Variants in CDH6 observed in about 807,000 individuals in gnomAD.
CDH6 encodes the protein cadherin-6.
A neutral mutation model predicts 78.0 loss-of-function variants in CDH6; 31 were observed. That is an observed-to-expected ratio of 0.40 (90% confidence interval 0.30 to 0.54). The LOEUF is 0.54. Ranked by LOEUF, CDH6 falls within the 20% of genes least tolerant of loss-of-function variation. The pLI is 0.56. For missense variants in CDH6, 724 were observed against 975.9 expected, an observed-to-expected ratio of 0.74 and a Z score of 3.44; for synonymous variants, 376 against 368.8, an observed-to-expected ratio of 1.02 and a Z score of -0.23.
intron 3 of CDH6, 129 bp from the exon 4 acceptor site, chr5:31,297,160 C>G (rs1737631339): frequency 1.3e-6 from 1 of 755,452 alleles, no homozygotes; most frequent in Non-Finnish European, 2.3e-6. Flanking sequence ...CACCCAGCAT[C>G]CTACCAAAGT....
At chr5:31,219,814 T>C (rs1057300943) in intron 1 of CDH6, among the ~76,000 whole-genome samples, 2 of 152,194 alleles carry the variant, frequency 1.3e-5, no homozygotes, top group Non-Finnish European at 1.5e-5. Flanking sequence ...GTTAAAATGT[T>C]AAAAATTCAA....
intron 2 of CDH6, among the ~76,000 whole-genome samples, chr5:31,287,665 GATTGTA>G (rs1161411893): frequency 6.6e-6 from 1 of 152,198 alleles, no homozygotes; most frequent in East Asian, 1.9e-4. Flanking sequence ...TAAGTACTAT[GATTGTA>G]CTAGTTAAGG....
At position 31,219,265 on chromosome 5, in the gene CDH6, C is replaced by T. The variant is rs74649722; in HGVS notation, c.-129+25379C>T. Among the ~76,000 whole-genome samples, 987 of 152,250 alleles carry T rather than the reference C, an allele frequency of 6.5e-3. 9 individuals carry two copies. Among genetic ancestry groups the T allele is most frequent in the Middle Eastern group, 0.01 (3 of 294 alleles). On this transcript the variant is annotated intron_variant, in intron 1 of 11. Coordinates refer to ENST00000265071, the MANE Select transcript of CDH6 (RefSeq NM_004932.4). ...CAGATTTTTTTGACTCACCAAGCCT[C>T]CATCCACAATTGTGCAAGCTAGTTC...
At chr5:31,271,331 C>G (rs2149935565) in intron 2 of CDH6, among the ~76,000 whole-genome samples, 1 of 152,142 alleles carries the variant, frequency 6.6e-6, no homozygotes, top group East Asian at 1.9e-4. Flanking sequence ...GTGGGGTTCA[C>G]AACAGCCAAT....
intron 2 of CDH6, among the ~76,000 whole-genome samples, chr5:31,281,631 C>T (rs1742866591): frequency 6.6e-6 from 1 of 152,172 alleles, no homozygotes; most frequent in African/African-American, 2.4e-5. Context: ...GGGGAAATAA[C>T]TTTATGCAGT....
intron 2 of CDH6, among the ~76,000 whole-genome samples, chr5:31,281,327 G>A (rs1020667371): frequency 1.3e-5 from 2 of 151,502 alleles, no homozygotes; most frequent in African/African-American, 2.4e-5. Context: ...GAAAGAGAAA[G>A]GGGGCTGGGG....
At chr5:31,201,083 TC>T (rs1196755699) in intron 1 of CDH6, among the ~76,000 whole-genome samples, 1 of 152,174 alleles carries the variant, frequency 6.6e-6, no homozygotes, top group Non-Finnish European at 1.5e-5. Flanking sequence ...TTGCTTTTTA[TC>T]ATCACCATTT....
At chr5:31,254,999 C>G (rs1241554791) in intron 1 of CDH6, among the ~76,000 whole-genome samples, 1 of 152,114 alleles carries the variant, frequency 6.6e-6, no homozygotes, top group African/African-American at 2.4e-5. Context: ...TCTTTCTACA[C>G]AAATGCTCTT....
At chr5:31,319,940 T>A (rs1196540171) in intron 11 of CDH6, among the ~76,000 whole-genome samples, 1 of 152,222 alleles carries the variant, frequency 6.6e-6, no homozygotes, top group Non-Finnish European at 1.5e-5. Flanking sequence ...GAAAATAGGC[T>A]TAGAACGGTC....
chr5:31,197,247 T>C (rs1401551879), intron 1 of CDH6, among the ~76,000 whole-genome samples: 1 of 152,210 alleles, frequency 6.6e-6, no homozygotes, highest in African/African-American at 2.4e-5. Context: ...CAGCATAATT[T>C]CTGTAGGGTG....
At chr5:31,293,640 G>C (rs1254638219) in intron 2 of CDH6, among the ~76,000 whole-genome samples, 2 of 152,110 alleles carry the variant, frequency 1.3e-5, no homozygotes, top group Non-Finnish European at 1.5e-5. Flanking sequence ...CGTGAAAAGA[G>C]TCTCATTCCA....
At chr5:31,216,437 C>T (rs1438437578) in intron 1 of CDH6, among the ~76,000 whole-genome samples, 1 of 151,836 alleles carries the variant, frequency 6.6e-6, no homozygotes, top group East Asian at 1.9e-4. Context: ...TACTGTATTA[C>T]ATATTATTTT....
chr5:31,212,631 G>C (rs1309384162), intron 1 of CDH6, among the ~76,000 whole-genome samples: 1 of 152,154 alleles, frequency 6.6e-6, no homozygotes, highest in African/African-American at 2.4e-5. Flanking sequence ...CTGTGAAGAA[G>C]TTTGTCATCT....
In CDH6 at chr5:31,322,821, CAGT is replaced by C. The variant is rs1191151344; in HGVS notation, c.1887_1889del (p.Val631del). ...CTGTTTTGTTTTCTGCTTCCAGTGA[CAGT>C]GGTGCTGTTTGCAGCTCTGAGGCGG... On this transcript the variant is annotated inframe_deletion, in exon 12 of 12. Coordinates refer to ENST00000265071, the MANE Select transcript of CDH6 (RefSeq NM_004932.4). 4.4e-6 allele frequency: 7 copies of C among 1,609,168 alleles called. No homozygotes were observed. The highest frequency in any genetic ancestry group is 2.2e-5 in the South Asian group (2 of 90,818).
intron 11 of CDH6, chr5:31,318,974 C>A: frequency 4.6e-6 from 1 of 216,228 alleles, no homozygotes; most frequent in Non-Finnish European, 9.3e-6. Context: ...TTCTCTTTGT[C>A]AACTAAGACT....
intron 1 of CDH6, among the ~76,000 whole-genome samples, chr5:31,222,464 GT>G (rs1028308306): frequency 6.6e-6 from 1 of 152,140 alleles, no homozygotes; most frequent in South Asian, 2.1e-4. Flanking sequence ...GCTACAGAAA[GT>G]TTTTTTAATT....
chr5:31,194,987 A>T (rs760544063), intron 1 of CDH6, among the ~76,000 whole-genome samples: 6 of 152,044 alleles, frequency 3.9e-5, no homozygotes, highest in Non-Finnish European at 7.4e-5. Flanking sequence ...GTCAGTGCAA[A>T]GGGCTGGCCA....
intron 1 of CDH6, among the ~76,000 whole-genome samples, chr5:31,223,289 A>G (rs1741053084): frequency 6.6e-6 from 1 of 152,172 alleles, no homozygotes; most frequent in South Asian, 2.1e-4. Context: ...ATGCATTTTC[A>G]TCTCTTTCTT....
chr5:31,312,375 A>C (rs1738182081), intron 7 of CDH6, among the ~76,000 whole-genome samples: 1 of 152,202 alleles, frequency 6.6e-6, no homozygotes, highest in South Asian at 2.1e-4. Context: ...CTTTATTAAC[A>C]ATGATTTAGA....
Sources: gnomAD v4.1 joint callset for allele counts (sites outside exome capture counted in the v4.1 genomes callset) on GRCh38, gnomAD v4.1.1 for gene constraint, MANE v1.5 for transcripts, NCBI Gene and HGNC (gene_info 2026-07-23, HGNC 2026-07-21) for gene names.